The following ARPP21 variants were observed in gnomAD, a reference collection of about 807,000 sequenced individuals.
ARPP21 encodes the protein cAMP-regulated phosphoprotein 21.
ARPP21 carries 69 observed loss-of-function variants against 113.2 expected under a neutral mutation model. That is an observed-to-expected ratio of 0.61 (90% CI 0.50 to 0.74). ARPP21 has a LOEUF of 0.74. Among genes scored for constraint, ARPP21 ranks in the 30% least tolerant of loss-of-function variants. The pLI is 0.00. For missense variants in ARPP21, 1,070 were observed against 1,037.4 expected, an observed-to-expected ratio of 1.03 and a Z score of -0.43; for synonymous variants, 368 against 375.5, an observed-to-expected ratio of 0.98 and a Z score of 0.23.
At chr3:35,699,015 G>T (rs1481201677) in intron 9 of ARPP21, among the ~76,000 whole-genome samples, 1 of 151,616 alleles carries the variant, frequency 6.6e-6, no homozygotes, top group Non-Finnish European at 1.5e-5. Context: ...AACAAAAGAA[G>T]TATAGCCTAT....
intron 20 of ARPP21, among the ~76,000 whole-genome samples, chr3:35,793,270 A>G (rs1228991234): frequency 1.3e-5 from 2 of 152,170 alleles, no homozygotes; most frequent in Non-Finnish European, 2.9e-5. Context: ...AGCCCTTTTC[A>G]CTGTGGAGGA....
At chr3:35,724,510 T>C (rs1378528379) in intron 14 of ARPP21, among the ~76,000 whole-genome samples, 1 of 152,090 alleles carries the variant, frequency 6.6e-6, no homozygotes, top group African/African-American at 2.4e-5. Context: ...ACCCCCAGAG[T>C]TTCTGAGCCC....
chr3:35,760,244 C>A lies in ARPP21; in HGVS notation c.2137+16279C>A, dbSNP rs1266188854. 2.6e-5 allele frequency among the ~76,000 whole-genome samples: 4 copies of A among 152,018 alleles called. No homozygotes were observed. In the East Asian group the frequency reaches 7.8e-4, roughly 30 times the overall value. ...CTGTAAATTATGTGACTCAGTAATG[C>A]CAGCTCTCAGGATCCCAGGGAGCTG... On this transcript the variant is annotated intron_variant, in intron 19 of 20. Transcript: ENST00000684406.
intron 13 of ARPP21, among the ~76,000 whole-genome samples, chr3:35,718,146 G>GA (rs1302536911): frequency 6.6e-6 from 1 of 152,100 alleles, no homozygotes; most frequent in Non-Finnish European, 1.5e-5. Flanking sequence ...AAAATACTAA[G>GA]AAAATCAGAT....
chr3:35,771,271 T>C (rs2096190255), intron 19 of ARPP21, among the ~76,000 whole-genome samples: 1 of 152,056 alleles, frequency 6.6e-6, no homozygotes, highest in African/African-American at 2.4e-5. Flanking sequence ...TACCTGCAGG[T>C]TCCACTCTCT....
intron 9 of ARPP21, 42 bp from the exon 10 acceptor site, chr3:35,706,932 G>C (rs2089326739): frequency 6.8e-7 from 1 of 1,470,564 alleles, no homozygotes; most frequent in Admixed American, 1.9e-5. Flanking sequence ...TTTAAACAAG[G>C]GGGAAAAACT....
At chr3:35,752,886 T>C (rs775039251) in intron 19 of ARPP21, among the ~76,000 whole-genome samples, 7 of 152,132 alleles carry the variant, frequency 4.6e-5, no homozygotes, top group Admixed American at 1.3e-4. Context: ...ATTTCTAATC[T>C]TGTGAATTAC....
At chr3:35,710,718 A>G (rs2090864782) in intron 11 of ARPP21, among the ~76,000 whole-genome samples, 1 of 152,198 alleles carries the variant, frequency 6.6e-6, no homozygotes, top group South Asian at 2.1e-4. Flanking sequence ...ACATTGTTAG[A>G]CACTTGACAG....
chr3:35,767,868 C>T (rs2096041385), intron 19 of ARPP21, among the ~76,000 whole-genome samples: 1 of 152,024 alleles, frequency 6.6e-6, no homozygotes, highest in Non-Finnish European at 1.5e-5. Context: ...AACAAAACTC[C>T]CAGCCCACCA....
At chr3:35,659,917 TG>T (rs1436274593) in intron 1 of ARPP21, among the ~76,000 whole-genome samples, 4 of 152,184 alleles carry the variant, frequency 2.6e-5, no homozygotes, top group Admixed American at 6.5e-5. Context: ...CACCTGGGTG[TG>T]TAAAGAGTCA....
Position 35,690,748 on chromosome 3 carries a change from G to A in ARPP21, c.546-117G>A, listed in dbSNP as rs1034323082. 4.3e-6 allele frequency: 4 copies of A among 921,590 alleles called. No homozygotes were observed. In the African/African-American group the frequency reaches 5.2e-5, roughly 12 times the overall value. The allele number at this position is 921,590 out of a possible 1,614,324, so 57.1% of individuals were successfully genotyped here. ...TAGGACATTAAGTGATGCCAGAAATGCAATAGGCTTAGTGGTTTAGATGAA... is the reference window on the plus strand; with the variant it reads ...TAGGACATTAAGTGATGCCAGAAATACAATAGGCTTAGTGGTTTAGATGAA... On this transcript the variant is annotated intron_variant, in intron 8 of 20. Transcript: ENST00000684406.
In ARPP21 at chr3:35,794,083, T is replaced by C. The variant is rs1048357850; in HGVS notation, c.*125T>C. On this transcript the variant is annotated 3_prime_UTR_variant, in exon 21 of 21. Coordinates refer to ENST00000684406, the MANE Select transcript of ARPP21 (RefSeq NM_001385562.1). Reference sequence around the variant, plus strand: ...ACACTCAAATGATTGCTGCTGGTATTCTGTAAAAAATAAACAAAGACTAAT... The same window carrying C: ...ACACTCAAATGATTGCTGCTGGTATCCTGTAAAAAATAAACAAAGACTAAT... 11 of 862,950 alleles carry C rather than the reference T, an allele frequency of 1.3e-5. No individual in the cohort carries two copies. The highest frequency in any genetic ancestry group is 5.1e-5 in the Admixed American group (2 of 39,308). 53.5% of individuals were successfully genotyped at this position (862,950 alleles called of 1,614,324 possible). A position where few individuals can be genotyped will look rare whatever the true frequency, so the allele number is the denominator to read the frequency against.
At chr3:35,768,181 A>G (rs1390670326) in intron 19 of ARPP21, among the ~76,000 whole-genome samples, 1 of 148,114 alleles carries the variant, frequency 6.8e-6, no homozygotes. Flanking sequence ...GCTTGAGATG[A>G]GGATTCAGAT....
At chr3:35,759,674 C>CTGTGTGTGTGTGTGTG (rs1346888304) in intron 19 of ARPP21, among the ~76,000 whole-genome samples, 32 of 130,580 alleles carry the variant, frequency 2.5e-4, no homozygotes, top group Non-Finnish European at 4.4e-4. Context: ...CATTTTCTCT[C>CTGTGTGTGTGTGTGTG]TCTGTGTGTG....
intron 5 of ARPP21, 59 bp downstream of exon 5, chr3:35,683,874 A>T (rs563559929): frequency 9.4e-6 from 9 of 958,656 alleles, no homozygotes; most frequent in Non-Finnish European, 1.5e-5. Context: ...TGTGTGCATG[A>T]CTCTTAATTT....
chr3:35,649,899 G>A lies in ARPP21; in HGVS notation c.-213+9501G>A, dbSNP rs531979727. ...AAAATAATCTTGTTTGAAAGGAAGG[G>A]GTCCAGATGATTACAAATGAAATGA... On this transcript the variant is annotated intron_variant, in intron 1 of 20. Coordinates refer to ENST00000684406, the MANE Select transcript of ARPP21 (RefSeq NM_001385562.1). Among the ~76,000 whole-genome samples the A allele has an allele frequency of 3.2e-3, 492 of 152,134 alleles. 2 individuals carry two copies. Among genetic ancestry groups the A allele is most frequent in the African/African-American group, 0.012 (478 of 41,508 alleles).
intron 19 of ARPP21, among the ~76,000 whole-genome samples, chr3:35,747,338 G>A (rs1386336239): frequency 4.4e-5 from 6 of 136,726 alleles, no homozygotes; most frequent in Non-Finnish European, 6.1e-5. Flanking sequence ...TCCAGCCTGG[G>A]CAACAGAGCA....
At chr3:35,781,630 T>G (rs1413949929) in intron 19 of ARPP21, 3 of 152,196 alleles carry the variant, frequency 2.0e-5, no homozygotes, top group Non-Finnish European at 4.4e-5. Flanking sequence ...AGATATTTCT[T>G]CTTGCTGTTA....
At chr3:35,656,364 G>C (rs1704907790) in intron 1 of ARPP21, among the ~76,000 whole-genome samples, 1 of 152,044 alleles carries the variant, frequency 6.6e-6, no homozygotes. Context: ...ACAAAAATGT[G>C]AAGACAAAGA....
Sources: allele counts gnomAD v4.1 joint callset (sites outside exome capture counted in the v4.1 genomes callset), GRCh38; gene constraint gnomAD v4.1.1; transcripts MANE v1.5; gene names NCBI Gene and HGNC (gene_info 2026-07-23, HGNC 2026-07-21).